RBFOX1: variants seen among roughly 807,000 people sequenced by gnomAD.
RBFOX1 encodes RNA binding fox-1 homolog 1.
In RBFOX1, 8 loss-of-function variants were observed where a neutral mutation model predicts 57.7. The observed-to-expected ratio is 0.14, with a 90% CI of 0.08 to 0.25. The LOEUF is 0.25. Among genes scored for constraint, RBFOX1 ranks in the 10% least tolerant of loss-of-function variants. RBFOX1 has a pLI of 1.00. For missense variants in RBFOX1, 611 were observed against 548.5 expected (o/e 1.11, Z -1.14); for synonymous variants, 326 against 222.4 (o/e 1.47, Z -4.15).
chr16:7,134,782 G>C (rs2071455933), intron 4 of RBFOX1, among the ~76,000 whole-genome samples: 1 of 152,186 alleles, frequency 6.6e-6, no homozygotes, highest in Admixed American at 6.5e-5. Flanking sequence ...TTGCAAACAG[G>C]CTTCTGAGTT....
intron 3 of RBFOX1, among the ~76,000 whole-genome samples, chr16:6,915,173 G>C (rs971983276): frequency 2.0e-5 from 3 of 152,166 alleles, no homozygotes; most frequent in African/African-American, 7.2e-5. Context: ...CTGGGGCTGA[G>C]CTGCTGCTTT....
intron 3 of RBFOX1, among the ~76,000 whole-genome samples, chr16:5,703,478 G>A (rs928649302): frequency 2.0e-5 from 3 of 152,194 alleles, no homozygotes; most frequent in African/African-American, 4.8e-5. Context: ...CGAAGCCAGA[G>A]TACAAATATC....
intron 3 of RBFOX1, among the ~76,000 whole-genome samples, chr16:6,671,850 T>A (rs184567196): frequency 1.3e-5 from 2 of 152,234 alleles, no homozygotes; most frequent in East Asian, 3.8e-4. Context: ...CCAGTAATTA[T>A]AAGAGTTCAT....
chr16:7,002,154 G>C (rs1290530219), intron 3 of RBFOX1, among the ~76,000 whole-genome samples: 1 of 151,944 alleles, frequency 6.6e-6, no homozygotes, highest in Non-Finnish European at 1.5e-5. Flanking sequence ...GGGTTATTGT[G>C]GCCATCCACC....
chr16:6,147,375 A>C (rs553101990), intron 1 of RBFOX1, among the ~76,000 whole-genome samples: 2 of 152,292 alleles, frequency 1.3e-5, no homozygotes, highest in African/African-American at 4.8e-5. Context: ...TTTCCCATAC[A>C]GATCCAGTCC....
chr16:6,027,469 C>T lies in RBFOX1; in HGVS notation c.-127+7477C>T, dbSNP rs761169362. Among the ~76,000 whole-genome samples the T allele has an allele frequency of 8.5e-5, 13 of 152,262 alleles. 1 individual carries two copies. The highest frequency in any genetic ancestry group is 8.5e-4 in the Admixed American group (13 of 15,290). ...GAATCAGTGTGTCTGGCTTGAGATCCCAGCTCCATCACTTTCTAAGTCCAT... is the reference window on the plus strand; with the variant it reads ...GAATCAGTGTGTCTGGCTTGAGATCTCAGCTCCATCACTTTCTAAGTCCAT... On this transcript the variant is annotated intron_variant, in intron 1 of 15. Transcript: ENST00000550418.
At chr16:5,522,114 T>C (rs1041660565) in intron 2 of RBFOX1, among the ~76,000 whole-genome samples, 1 of 152,242 alleles carries the variant, frequency 6.6e-6, no homozygotes, top group Admixed American at 6.5e-5. Context: ...TGGAGTAAGC[T>C]CATGCTCCTT....
intron 2 of RBFOX1, among the ~76,000 whole-genome samples, chr16:6,557,195 A>C (rs553609100): frequency 4.5e-4 from 67 of 149,388 alleles, no homozygotes; most frequent in Middle Eastern, 7.1e-3. Flanking sequence ...ATAATAAAAA[A>C]GTGGGAAAGA....
rs1464133640 is a variant in RBFOX1, at chr16:6,637,074, TTAATA to T, written c.-63-17526_-63-17522del. On this transcript the variant is annotated intron_variant, in intron 2 of 15. Transcript: ENST00000550418. ...AACATATTTATATGTATAAATATGT[TTAATA>T]TATATAATACATATTAAATATATAT... Among the ~76,000 whole-genome samples, 27 of 83,770 alleles carry T rather than the reference TTAATA, an allele frequency of 3.2e-4. No individual in the cohort carries two copies. In the East Asian group the frequency reaches 6.7e-3, roughly 21 times the overall value. 55.0% of individuals were successfully genotyped at this position (83,770 alleles called of 152,430 possible).
intron 2 of RBFOX1, among the ~76,000 whole-genome samples, chr16:6,538,485 G>C (rs182750805): frequency 1.8e-4 from 28 of 152,214 alleles, no homozygotes; most frequent in African/African-American, 6.5e-4. Context: ...GAGCAAATCT[G>C]TATCTCAAAA....
chr16:5,505,232 T>C (rs1399182312), intron 2 of RBFOX1, among the ~76,000 whole-genome samples: 1 of 152,222 alleles, frequency 6.6e-6, no homozygotes, highest in Admixed American at 6.5e-5. Flanking sequence ...ACTTAAAACC[T>C]GGAATTTCCA....
rs2097495026 is a variant in RBFOX1 at position 7,368,096 on chromosome 16, A to G, written c.28-150051A>G. Among the ~76,000 whole-genome samples, 4 of 152,156 alleles carry G rather than the reference A, an allele frequency of 2.6e-5. No individual in the cohort carries two copies. The South Asian group carries it at 8.3e-4, about 32-fold the overall frequency. On this transcript the variant is annotated intron_variant, in intron 4 of 15. Coordinates refer to ENST00000550418, the MANE Select transcript of RBFOX1 (RefSeq NM_018723.4). ...AGCCTGGCCAACGTAATGAAACCCCATCTTTACTAAAAATACTAAAATTAG... is the reference window on the plus strand; with the variant it reads ...AGCCTGGCCAACGTAATGAAACCCCGTCTTTACTAAAAATACTAAAATTAG...
intron 11 of RBFOX1, 82 bp downstream of exon 11, chr16:7,630,765 C>G: frequency 6.4e-7 from 1 of 1,571,324 alleles, no homozygotes; most frequent in Non-Finnish European, 8.6e-7. Context: ...AGTTCTCTCC[C>G]CCTCCCTCTG....
intron 2 of RBFOX1, among the ~76,000 whole-genome samples, chr16:6,471,796 C>T (rs776645076): frequency 2.4e-4 from 36 of 152,236 alleles, no homozygotes; most frequent in African/African-American, 8.2e-4. Context: ...ATGTCTTGTG[C>T]AATCCCAGCT....
intron 3 of RBFOX1, among the ~76,000 whole-genome samples, chr16:6,799,330 T>G (rs957435841): frequency 6.6e-6 from 1 of 152,174 alleles, no homozygotes; most frequent in African/African-American, 2.4e-5. Context: ...TATATGCTAT[T>G]AGGTTGGTGC....
intron 2 of RBFOX1, among the ~76,000 whole-genome samples, chr16:6,367,169 G>A (rs1049826161): frequency 5.9e-5 from 9 of 152,228 alleles, no homozygotes; most frequent in East Asian, 1.9e-4. Context: ...ACGTCAGCAC[G>A]TGGAACACAT....
At chr16:6,621,355 T>A (rs967228065) in intron 2 of RBFOX1, among the ~76,000 whole-genome samples, 1 of 152,068 alleles carries the variant, frequency 6.6e-6, no homozygotes, top group African/African-American at 2.4e-5. Flanking sequence ...TCCCAGCTAC[T>A]CGGGAGGCTG....
chr16:5,784,707 G>A (rs187213068), intron 3 of RBFOX1, among the ~76,000 whole-genome samples: 13 of 152,246 alleles, frequency 8.5e-5, no homozygotes, highest in African/African-American at 3.1e-4. Flanking sequence ...CCTTTCAGGG[G>A]TAATTAAATC....
At chr16:6,018,787 G>A (rs2095017213), upstream of RBFOX1, among the ~76,000 whole-genome samples, 1 of 152,122 alleles carries the variant, frequency 6.6e-6, no homozygotes. Flanking sequence ...GAGGGCGCTG[G>A]TGCTCAATGA....
Sources: gnomAD v4.1 joint callset for allele counts (sites outside exome capture counted in the v4.1 genomes callset) on GRCh38, gnomAD v4.1.1 for gene constraint, MANE v1.5 for transcripts, NCBI Gene and HGNC (gene_info 2026-07-23, HGNC 2026-07-21) for gene names.